Variants in DIP2C observed in about 807,000 individuals in gnomAD.
DIP2C encodes disco-interacting protein 2 homolog C.
A neutral mutation model predicts 192.4 loss-of-function variants in DIP2C; 33 were observed. That is an observed-to-expected ratio of 0.17 (90% CI 0.13 to 0.23). The LOEUF is 0.23. Ranked by LOEUF, DIP2C falls within the 10% of genes least tolerant of loss-of-function variation. The pLI is 1.00. For missense variants in DIP2C, 1,537 were observed against 2,110.1 expected (o/e 0.73, Z 5.32); for synonymous variants, 979 against 864.1 (o/e 1.13, Z -2.33).
chr10:444,215 G>A (rs1301481964), intron 3 of DIP2C, among the ~76,000 whole-genome samples: 1 of 151,760 alleles, frequency 6.6e-6, no homozygotes, highest in Non-Finnish European at 1.5e-5. Flanking sequence ...CGAGACTCGT[G>A]TAGATTCTCT....
intron 1 of DIP2C, among the ~76,000 whole-genome samples, chr10:499,870 T>C (rs1373840837): frequency 6.6e-6 from 1 of 152,214 alleles, no homozygotes; most frequent in Admixed American, 6.5e-5. Context: ...GACTTTATCA[T>C]AGAGCAAGCA....
intron 26 of DIP2C, among the ~76,000 whole-genome samples, chr10:345,431 A>C (rs1589552508): frequency 6.6e-6 from 1 of 150,866 alleles, no homozygotes; most frequent in Non-Finnish European, 1.5e-5. Context: ...ACACACACAC[A>C]CCCAGACACA....
intron 35 of DIP2C, 124 bp from the exon 36 acceptor site, chr10:281,447 C>G: frequency 7.4e-7 from 1 of 1,345,526 alleles, no homozygotes; most frequent in South Asian, 1.6e-5. Flanking sequence ...AAGGGGCTCA[C>G]GGATCCAGGG....
At chr10:606,924 C>T (rs1293326325) in intron 1 of DIP2C, among the ~76,000 whole-genome samples, 1 of 152,056 alleles carries the variant, frequency 6.6e-6, no homozygotes, top group Non-Finnish European at 1.5e-5. Context: ...TGAATAGGGG[C>T]CTTCCAAGCA....
At chr10:372,074 C>CTTT (rs71376826) in intron 17 of DIP2C, among the ~76,000 whole-genome samples, 16 of 137,588 alleles carry the variant, frequency 1.2e-4, no homozygotes, top group African/African-American at 3.0e-4. Flanking sequence ...ACCCCCTTTC[C>CTTT]TTTTTTTTTT....
chr10:527,899 T>TC (rs1313118826), intron 1 of DIP2C, among the ~76,000 whole-genome samples: 1 of 152,138 alleles, frequency 6.6e-6, no homozygotes, highest in African/African-American at 2.4e-5. Flanking sequence ...ACATCCATCG[T>TC]CCATCCTCCA....
chr10:422,937 A>T lies in DIP2C; in HGVS notation c.491T>A (p.Ile164Asn). The change falls in exon 5 of 37, where the codon ATC (isoleucine) becomes AAC (asparagine). Residue 164 changes from isoleucine to asparagine, a missense_variant. Ile to Asn is a moderately radical substitution (Grantham distance 149). Transcript: ENST00000280886. ...GGTGGAGCCGTGGATGGCCTGGCTG[A>T]TCCAGTGCTCCATATTGATGCTGCC... ...SQGSINMEHW[I>N]SQAIHGSTTS... is the part of the protein sequence containing the mutation. 3 of 1,614,134 alleles carry T rather than the reference A, an allele frequency of 1.9e-6. No individual in the cohort carries two copies. Among genetic ancestry groups the T allele is most frequent in the Non-Finnish European group, 1.7e-6 (2 of 1,180,024 alleles).
At chr10:558,502 G>A (rs1392013511) in intron 1 of DIP2C, among the ~76,000 whole-genome samples, 1 of 152,192 alleles carries the variant, frequency 6.6e-6, no homozygotes, top group African/African-American at 2.4e-5. Flanking sequence ...AGATACGGGG[G>A]GTGGAGGCGG....
At chr10:551,101 C>T (rs1017653643) in intron 1 of DIP2C, among the ~76,000 whole-genome samples, 3 of 151,792 alleles carry the variant, frequency 2.0e-5, no homozygotes, top group Non-Finnish European at 2.9e-5. Flanking sequence ...GGCCTCGGTC[C>T]TCCCTCTGCC....
intron 1 of DIP2C, among the ~76,000 whole-genome samples, chr10:560,087 G>C (rs1015680129): frequency 5.3e-5 from 8 of 151,776 alleles, no homozygotes; most frequent in African/African-American, 1.7e-4. Context: ...CCCAAGGCCT[G>C]ACTCCCAGTT....
Position 400,630 on chromosome 10 carries a change from A to AT in DIP2C, c.1150-1412dup, listed in dbSNP as rs540300945. Among the ~76,000 whole-genome samples, 587 of 146,892 alleles carry AT rather than the reference A, an allele frequency of 4.0e-3. 13 individuals carry two copies. Among genetic ancestry groups the AT allele is most frequent in the African/African-American group, 0.014 (548 of 39,464 alleles). The stretch of plus-strand genomic sequence containing the variant: ...TGTTCATCAGCACATGAATCCTGTG[A>AT]TTTTACATGTGGGGTAGCATTAGCA... On this transcript the variant is annotated intron_variant, in intron 9 of 36. Transcript: ENST00000280886.
At position 662,890 on chromosome 10, in the gene DIP2C, T is replaced by G. The variant is rs1856846216; in HGVS notation, c.85+26604A>C. The G allele has an allele frequency of 4.2e-6, 3 of 717,520 alleles. No individual in the cohort carries two copies. In the East Asian group the frequency reaches 8.0e-5, roughly 19 times the overall value. The allele number at this position is 717,520 out of a possible 1,614,324, so 44.4% of individuals were successfully genotyped here. ...CACTCAGCAGCAGCCTAGCCCCACG[T>G]GGAAGAGGCGTGAACACTCTCGGGA... On this transcript the variant is annotated intron_variant, in intron 1 of 36. Transcript: ENST00000280886.
intron 1 of DIP2C, among the ~76,000 whole-genome samples, chr10:579,144 G>C (rs139578723): frequency 2.0e-5 from 3 of 151,442 alleles, no homozygotes; most frequent in South Asian, 2.1e-4. Context: ...TACATGCGTA[G>C]AGCATACACC....
chr10:311,195 C>T (rs1956551204), intron 31 of DIP2C, among the ~76,000 whole-genome samples: 1 of 152,144 alleles, frequency 6.6e-6, no homozygotes, highest in Non-Finnish European at 1.5e-5. Context: ...GCCCCACAGA[C>T]CAGCGCTGAG....
At chr10:360,205 T>C (rs1206029007) in intron 22 of DIP2C, among the ~76,000 whole-genome samples, 1 of 152,142 alleles carries the variant, frequency 6.6e-6, no homozygotes, top group Non-Finnish European at 1.5e-5. Flanking sequence ...CCATGCAGAC[T>C]AGGGCCTGTT....
chr10:357,397 C>T (rs1209645321), intron 23 of DIP2C, among the ~76,000 whole-genome samples: 5 of 152,104 alleles, frequency 3.3e-5, no homozygotes, highest in African/African-American at 4.8e-5. Flanking sequence ...GCTTTGAATC[C>T]GGGCTGGTGG....
chr10:658,080 A>T (rs1383699747), intron 1 of DIP2C, among the ~76,000 whole-genome samples: 2 of 101,754 alleles, frequency 2.0e-5, no homozygotes, highest in East Asian at 3.2e-4. Flanking sequence ...TGGACCTGAC[A>T]CTGGACCTGA....
intron 1 of DIP2C, among the ~76,000 whole-genome samples, chr10:597,068 G>C (rs577330482): frequency 6.6e-6 from 1 of 152,184 alleles, no homozygotes; most frequent in African/African-American, 2.4e-5. Context: ...ACCCATCCTC[G>C]CCAGTGTAGG....
chr10:473,402 T>TC (rs1970799043), intron 2 of DIP2C, among the ~76,000 whole-genome samples: 1 of 151,854 alleles, frequency 6.6e-6, no homozygotes, highest in African/African-American at 2.4e-5. Context: ...TCCTATGTCA[T>TC]CCCCACAGTT....
Sources: gnomAD v4.1 joint callset for allele counts (sites outside exome capture counted in the v4.1 genomes callset) on GRCh38, gnomAD v4.1.1 for gene constraint, MANE v1.5 for transcripts, NCBI Gene and HGNC (gene_info 2026-07-23, HGNC 2026-07-21) for gene names.